FAR2: variants seen among roughly 807,000 people sequenced by gnomAD.
FAR2 encodes epididymis secretory protein Li 81.
Under a neutral mutation model 56.0 loss-of-function variants are expected in FAR2, and 19 were observed. The ratio of observed to expected loss-of-function variants is 0.34; its 90% CI spans 0.24 to 0.50. The LOEUF (loss-of-function observed/expected upper bound fraction) is 0.50, where lower values mean the gene tolerates loss of function less well. Ranked by LOEUF, FAR2 falls within the 20% of genes least tolerant of loss-of-function variation. The pLI, the probability that FAR2 is intolerant of heterozygous loss-of-function variation, is 0.98. For synonymous variants in FAR2, 219 were observed against 218.8 expected (o/e 1.00, Z -0.01); for missense variants, 508 against 642.2 (o/e 0.79, Z 2.26).
At chr12:29,158,531 C>T (rs1343908531) in intron 1 of FAR2, among the ~76,000 whole-genome samples, 1 of 152,238 alleles carries the variant, frequency 6.6e-6, no homozygotes, top group Non-Finnish European at 1.5e-5. Flanking sequence ...TTTCCTTCTG[C>T]TATTTTGGTG....
At chr12:29,265,826 CT>C (rs751804405) in intron 1 of FAR2, among the ~76,000 whole-genome samples, 18 of 152,044 alleles carry the variant, frequency 1.2e-4, no homozygotes, top group Non-Finnish European at 1.0e-4. Flanking sequence ...AGAACAAAAT[CT>C]AATAATCCTA....
At chr12:29,318,431 G>T (rs1949492495) in intron 9 of FAR2, among the ~76,000 whole-genome samples, 1 of 152,176 alleles carries the variant, frequency 6.6e-6, no homozygotes. Flanking sequence ...ACAAAGTTCA[G>T]TTAGGAAAAA....
At chr12:29,195,312 C>T (rs954822437) in intron 1 of FAR2, among the ~76,000 whole-genome samples, 2 of 152,162 alleles carry the variant, frequency 1.3e-5, no homozygotes, top group African/African-American at 4.8e-5. Context: ...CTACCATCTA[C>T]AATTACTTTC....
intron 1 of FAR2, 34 bp from the exon 2 acceptor site, chr12:29,270,378 G>T (rs1948594535): frequency 7.0e-7 from 1 of 1,419,674 alleles, no homozygotes; most frequent in Non-Finnish European, 9.5e-7. Context: ...AACTTCTGAA[G>T]ATGTAATCTT....
intron 6 of FAR2, among the ~76,000 whole-genome samples, 165 bp from the exon 7 acceptor site, chr12:29,310,863 G>A (rs1481229995): frequency 6.6e-6 from 1 of 152,148 alleles, no homozygotes; most frequent in Admixed American, 6.5e-5. Flanking sequence ...GGGAAGGTAG[G>A]ATAGGCTGAG....
chr12:29,263,914 T>C (rs1304640356), intron 1 of FAR2, among the ~76,000 whole-genome samples: 2 of 151,972 alleles, frequency 1.3e-5, no homozygotes, highest in African/African-American at 4.8e-5. Context: ...ACTCAAAGTA[T>C]TCCAAAAAAT....
chr12:29,188,188 A>T (rs1187429268), intron 1 of FAR2, among the ~76,000 whole-genome samples: 1 of 152,214 alleles, frequency 6.6e-6, no homozygotes, highest in African/African-American at 2.4e-5. Context: ...AGTATATTAT[A>T]AAAAATATTT....
intron 2 of FAR2, among the ~76,000 whole-genome samples, chr12:29,287,771 C>A (rs1565506057): frequency 6.6e-6 from 1 of 152,210 alleles, no homozygotes; most frequent in East Asian, 1.9e-4. Context: ...CTTCAATGAG[C>A]CCCAGGAAGT....
chr12:29,331,399 T>G (rs1041626254), intron 10 of FAR2: 3 of 152,078 alleles, frequency 2.0e-5, no homozygotes, highest in African/African-American at 7.2e-5. Context: ...GGCCATTCTC[T>G]CCAAATACAT....
At chr12:29,250,734 GT>G (rs1330247158) in intron 1 of FAR2, among the ~76,000 whole-genome samples, 1 of 152,174 alleles carries the variant, frequency 6.6e-6, no homozygotes, top group Non-Finnish European at 1.5e-5. Flanking sequence ...CACTAAAAAT[GT>G]GAGAGAAGTC....
chr12:29,206,779 G>A (rs2136623322), intron 1 of FAR2, among the ~76,000 whole-genome samples: 2 of 152,296 alleles, frequency 1.3e-5, no homozygotes, highest in South Asian at 4.1e-4. Context: ...AGTGGGCTTG[G>A]TGGAGAGAGA....
intron 9 of FAR2, among the ~76,000 whole-genome samples, chr12:29,318,725 T>C (rs1274095090): frequency 2.6e-5 from 4 of 152,214 alleles, no homozygotes; most frequent in Admixed American, 6.5e-5. Flanking sequence ...TACAACTTTT[T>C]CCACTAATTT....
At chr12:29,251,239 T>C (rs942924290) in intron 1 of FAR2, among the ~76,000 whole-genome samples, 2 of 152,312 alleles carry the variant, frequency 1.3e-5, no homozygotes, top group Non-Finnish European at 2.9e-5. Context: ...TTGAGCCAGT[T>C]TACAGACCTA....
chr12:29,333,857 A>C lies in FAR2; in HGVS notation c.*63A>C, dbSNP rs1949765119. Reference sequence around the variant, plus strand: ...GATACCTCTAAAACAGCAAACTGTGATTCTCAAGATTAGAAAGTAACAAGG... The same window carrying C: ...GATACCTCTAAAACAGCAAACTGTGCTTCTCAAGATTAGAAAGTAACAAGG... On this transcript the variant is annotated 3_prime_UTR_variant, in exon 12 of 12. Transcript: ENST00000536681. 7 of 1,455,598 alleles carry C rather than the reference A, an allele frequency of 4.8e-6. No individual in the cohort carries two copies. The South Asian group carries it at 8.7e-5, about 18-fold the overall frequency. The allele number at this position is 1,455,598 out of a possible 1,614,324, so 90.2% of individuals were successfully genotyped here.
At chr12:29,318,577 C>G (rs1949495238) in intron 9 of FAR2, among the ~76,000 whole-genome samples, 1 of 152,170 alleles carries the variant, frequency 6.6e-6, no homozygotes, top group Non-Finnish European at 1.5e-5. Context: ...GCAGAAAAAG[C>G]TGAAATCCTT....
At chr12:29,201,749 G>A (rs1947415172) in intron 1 of FAR2, among the ~76,000 whole-genome samples, 1 of 152,140 alleles carries the variant, frequency 6.6e-6, no homozygotes, top group Non-Finnish European at 1.5e-5. Flanking sequence ...TTAGCCACAT[G>A]TCACTATATA....
At chr12:29,216,144 G>A (rs1947618899) in intron 1 of FAR2, among the ~76,000 whole-genome samples, 1 of 152,178 alleles carries the variant, frequency 6.6e-6, no homozygotes, top group Non-Finnish European at 1.5e-5. Flanking sequence ...CAGAGTGTTA[G>A]GAACTACCTT....
intron 1 of FAR2, among the ~76,000 whole-genome samples, chr12:29,261,114 A>C (rs1408082429): frequency 2.0e-5 from 3 of 152,256 alleles, no homozygotes; most frequent in Non-Finnish European, 4.4e-5. Context: ...ATCCACAAGC[A>C]TCAAGACCAC....
intron 1 of FAR2, among the ~76,000 whole-genome samples, chr12:29,184,278 G>T (rs1030771314): frequency 6.6e-6 from 1 of 152,058 alleles, no homozygotes; most frequent in South Asian, 2.1e-4. Flanking sequence ...AAATAAAGAG[G>T]TGTAGGCAAG....
Sources: allele counts gnomAD v4.1 joint callset (sites outside exome capture counted in the v4.1 genomes callset), GRCh38; gene constraint gnomAD v4.1.1; transcripts MANE v1.5; gene names NCBI Gene and HGNC (gene_info 2026-07-23, HGNC 2026-07-21).